Variants in UNC79 observed in about 807,000 individuals in gnomAD.
UNC79 encodes the protein unc-79 subunit of NALCN channel complex.
A neutral mutation model predicts 283.1 loss-of-function variants in UNC79; 37 were observed. That is an observed-to-expected ratio of 0.13 (90% CI 0.10 to 0.17). The LOEUF (loss-of-function observed/expected upper bound fraction) is 0.17. UNC79 is among the 10% of genes least tolerant of loss of function. The pLI is 1.00. For synonymous variants in UNC79, 1,107 were observed against 1,200.2 expected (o/e 0.92, Z 1.61); for missense variants, 2,272 against 3,211.1 (o/e 0.71, Z 7.07).
chr14:93,541,166 T>G (rs540693730), intron 13 of UNC79, among the ~76,000 whole-genome samples: 15 of 152,284 alleles, frequency 9.9e-5, no homozygotes, highest in African/African-American at 3.6e-4. Flanking sequence ...GTATATATTG[T>G]CAAGTACTGG....
At chr14:93,493,874 CATATAT>C (rs140201851) in intron 5 of UNC79, among the ~76,000 whole-genome samples, 3,435 of 76,470 alleles carry the variant, frequency 0.045, 203 homozygotes, top group South Asian at 0.049. Flanking sequence ...GGAAGTGCCA[CATATAT>C]ATATATATAT....
At chr14:93,614,614 C>T (rs186128643) in intron 27 of UNC79, among the ~76,000 whole-genome samples, 14 of 151,086 alleles carry the variant, frequency 9.3e-5, no homozygotes, top group Admixed American at 4.6e-4. Context: ...CCACGGCGCC[C>T]GGCCACTGTT....
chr14:93,648,011 T>A (rs1388777357), intron 35 of UNC79, among the ~76,000 whole-genome samples: 1 of 152,146 alleles, frequency 6.6e-6, no homozygotes, highest in African/African-American at 2.4e-5. Flanking sequence ...GATTCAGTTA[T>A]CTCCCACTGG....
At chr14:93,594,278 G>GTT (rs989234232) in intron 23 of UNC79, among the ~76,000 whole-genome samples, 6 of 150,814 alleles carry the variant, frequency 4.0e-5, no homozygotes, top group African/African-American at 1.5e-4. Flanking sequence ...GGTTTTTTGT[G>GTT]TTTTTTTTTG....
rs753760001 is a variant in UNC79, at chr14:93,538,223, C to A, written c.1352+5C>A. ...CGCCGTGGAAGCCGTGATCAGGTAACACGCAGTTTCTTAGTAGCTGCCTCT... is the reference window on the plus strand; with the variant it reads ...CGCCGTGGAAGCCGTGATCAGGTAAAACGCAGTTTCTTAGTAGCTGCCTCT... On this transcript the variant is annotated splice_donor_5th_base_variant and intron_variant, in intron 12 of 48. Coordinates refer to ENST00000555664, the Ensembl canonical transcript of UNC79. The A allele has an allele frequency of 6.4e-7, 1 of 1,566,242 alleles. No homozygotes were observed.
chr14:93,674,098 G>A (rs1021078208), intron 41 of UNC79, among the ~76,000 whole-genome samples: 3 of 152,162 alleles, frequency 2.0e-5, no homozygotes, highest in Admixed American at 6.5e-5. Context: ...TCTTAGGCAG[G>A]CATGCAGGTT....
intron 8 of UNC79, among the ~76,000 whole-genome samples, chr14:93,528,342 G>A (rs2060639289): frequency 6.6e-6 from 1 of 152,186 alleles, no homozygotes; most frequent in Non-Finnish European, 1.5e-5. Flanking sequence ...GTTAACAGGA[G>A]AAATGAAAAA....
chr14:93,476,006 A>G (rs1215962958), intron 3 of UNC79, among the ~76,000 whole-genome samples: 2 of 152,198 alleles, frequency 1.3e-5, no homozygotes, highest in Admixed American at 6.5e-5. Context: ...ACAATACGGC[A>G]TTGTTTCTTG....
chr14:93,569,560 TCTTAG>T (rs2063099142), intron 14 of UNC79, among the ~76,000 whole-genome samples: 1 of 152,218 alleles, frequency 6.6e-6, no homozygotes, highest in Non-Finnish European at 1.5e-5. Flanking sequence ...AAGTAACTGG[TCTTAG>T]AGGATTTCCA....
At chr14:93,580,852 C>T (rs559231387) in intron 19 of UNC79, among the ~76,000 whole-genome samples, 4 of 152,152 alleles carry the variant, frequency 2.6e-5, no homozygotes, top group African/African-American at 9.6e-5. Context: ...ACTACAGGTG[C>T]CCACCACCAT....
At chr14:93,464,527 C>G in intron 1 of UNC79, 1 of 456,266 alleles carries the variant, frequency 2.2e-6, no homozygotes, top group Non-Finnish European at 4.4e-6. Flanking sequence ...TGGGTACAGT[C>G]ACATTTTGAG....
chr14:93,662,353 A>G (rs976568818), intron 39 of UNC79, among the ~76,000 whole-genome samples: 3 of 152,212 alleles, frequency 2.0e-5, no homozygotes, highest in African/African-American at 7.2e-5. Flanking sequence ...GAAGGTTTGT[A>G]AATGATACCA....
intron 1 of UNC79, among the ~76,000 whole-genome samples, chr14:93,412,669 A>G (rs1390071323): frequency 2.0e-5 from 3 of 152,056 alleles, no homozygotes; most frequent in Non-Finnish European, 2.9e-5. Flanking sequence ...TTGTACTTGG[A>G]TGTTGATATC....
Position 93,418,634 on chromosome 14 carries a change from A to G in UNC79, c.-350-49037A>G, listed in dbSNP as rs559821945. Among the ~76,000 whole-genome samples, 2 of 151,942 alleles carry G rather than the reference A, an allele frequency of 1.3e-5. 1 individual carries two copies. The highest frequency in any genetic ancestry group is 4.3e-4 in the South Asian group (2 of 4,694). On this transcript the variant is annotated intron_variant, in intron 1 of 49. Coordinates refer to the UNC79 transcript ENST00000256339. ...TGCCCTGCCCCCAGAGGTGGAGCCT[A>G]CAGAGGAAGGCAGGCCTCCTTGAGC...
At chr14:93,494,663 G>A (rs2058935733) in intron 5 of UNC79, among the ~76,000 whole-genome samples, 2 of 152,134 alleles carry the variant, frequency 1.3e-5, no homozygotes, top group Admixed American at 6.5e-5. Flanking sequence ...TTGCTTAGGG[G>A]AGAGCAGAGA....
intron 1 of UNC79, among the ~76,000 whole-genome samples, chr14:93,410,834 G>A (rs1414315636): frequency 1.3e-5 from 2 of 152,116 alleles, no homozygotes; most frequent in Non-Finnish European, 2.9e-5. Context: ...TGGGCCGTAG[G>A]TGAAACTGAG....
At chr14:93,399,398 A>G (rs1042538685) in intron 1 of UNC79, among the ~76,000 whole-genome samples, 2 of 152,212 alleles carry the variant, frequency 1.3e-5, no homozygotes, top group Non-Finnish European at 2.9e-5. Context: ...ACAATTATGT[A>G]AGACTACCAG....
chr14:93,471,507 T>C (rs900740959), intron 2 of UNC79, among the ~76,000 whole-genome samples: 1 of 151,908 alleles, frequency 6.6e-6, no homozygotes, highest in African/African-American at 2.4e-5. Context: ...TACAGAACTG[T>C]GGGAAAGAAT....
intron 14 of UNC79, among the ~76,000 whole-genome samples, chr14:93,555,381 C>T (rs2062116988): frequency 6.6e-6 from 1 of 151,884 alleles, no homozygotes; most frequent in African/African-American, 2.4e-5. Context: ...CTTCATTTGC[C>T]AGTTTTTAAG....
Sources: gnomAD v4.1 joint callset for allele counts (sites outside exome capture counted in the v4.1 genomes callset) on GRCh38, gnomAD v4.1.1 for gene constraint, MANE v1.5 for transcripts, NCBI Gene and HGNC (gene_info 2026-07-23, HGNC 2026-07-21) for gene names.